Variants in MAST4 observed in about 807,000 individuals in gnomAD.
The protein encoded by MAST4 is microtubule associated serine/threonine kinase family member 4.
In MAST4, 89 loss-of-function variants were observed where a neutral mutation model predicts 162.7. The observed-to-expected ratio is 0.55, with a 90% CI of 0.46 to 0.65. The LOEUF is 0.65. MAST4 is among the 30% of genes least tolerant of loss of function. The pLI is 0.00. For synonymous variants in MAST4, 1,479 were observed against 1,361.1 expected (o/e 1.09, Z -1.91); for missense variants, 3,153 against 3,374.0 (o/e 0.93, Z 1.62).
intron 4 of MAST4, among the ~76,000 whole-genome samples, chr5:66,946,067 G>A (rs530251420): frequency 6.6e-6 from 1 of 152,040 alleles, no homozygotes; most frequent in Non-Finnish European, 1.5e-5. Flanking sequence ...AAATGTGCTT[G>A]AGAAAAGAGG....
intron 4 of MAST4, among the ~76,000 whole-genome samples, chr5:67,030,561 T>TCTC (rs1231747017): frequency 2.1e-4 from 32 of 152,304 alleles, no homozygotes; most frequent in Middle Eastern, 3.4e-3. Flanking sequence ...CTGGGGCAAA[T>TCTC]TGGTCAGAGT....
chr5:66,797,911 C>A (rs1755729583), intron 3 of MAST4, among the ~76,000 whole-genome samples: 1 of 152,106 alleles, frequency 6.6e-6, no homozygotes, highest in East Asian at 1.9e-4. Flanking sequence ...AGAGGAACCA[C>A]CTGAAAACTC....
intron 3 of MAST4, among the ~76,000 whole-genome samples, chr5:66,807,758 C>A (rs142261868): frequency 1.3e-5 from 2 of 152,294 alleles, no homozygotes; most frequent in African/African-American, 4.8e-5. Flanking sequence ...CTCGCCCTCT[C>A]CCTAAACTGG....
At chr5:66,922,476 C>T (rs981205157) in intron 4 of MAST4, among the ~76,000 whole-genome samples, 2 of 152,148 alleles carry the variant, frequency 1.3e-5, no homozygotes. Flanking sequence ...AATTTGGTCC[C>T]TAGTTATGAA....
rs957900950 is a variant in MAST4, at chr5:66,815,104, T to G, written c.642+26310T>G. Among the ~76,000 whole-genome samples, 19 of 152,376 alleles carry G rather than the reference T, an allele frequency of 1.2e-4. 1 individual carries two copies. The highest frequency in any genetic ancestry group is 1.2e-3 in the Admixed American group (19 of 15,306). ...AGGAATAGACTTCATGTTGCTAGAA[T>G]GCATTATCAGTAATTCTTATTGCAT... On this transcript the variant is annotated intron_variant, in intron 3 of 28. Transcript: ENST00000403625.
intron 3 of MAST4, among the ~76,000 whole-genome samples, chr5:66,879,668 A>G (rs1319266780): frequency 1.3e-5 from 2 of 152,090 alleles, no homozygotes; most frequent in African/African-American, 2.4e-5. Flanking sequence ...ACACATCACC[A>G]CGCCCAGATA....
At position 67,162,607 on chromosome 5, in the gene MAST4, G is replaced by A; in HGVS notation, c.3786G>A (p.Arg1262=). ...ACAATTTTTTCCTGTTTTTCTGTAG[G>A]AGGAGATCTCTTTTCAAAAAGCTAG... ...KKSKKKESLE[R]RRSLFKKLAK... is the part of the protein sequence containing the mutation. Residue 1262 remains arginine (R), a splice_region_variant and synonymous_variant, in exon 28 of 29, where the codon AGG becomes AGA. Transcript: ENST00000403625. 3 of 1,613,354 alleles carry A rather than the reference G, an allele frequency of 1.9e-6. No homozygotes were observed. Among genetic ancestry groups the A allele is most frequent in the South Asian group, 2.2e-5 (2 of 90,980 alleles).
intron 4 of MAST4, among the ~76,000 whole-genome samples, chr5:67,014,717 C>T (rs1753075613): frequency 6.6e-6 from 1 of 152,206 alleles, no homozygotes; most frequent in Admixed American, 6.5e-5. Context: ...CTGCTCTCTT[C>T]AGTCCAGTTC....
intron 3 of MAST4, chr5:66,828,915 T>C: frequency 6.6e-7 from 1 of 1,511,916 alleles, no homozygotes; most frequent in Non-Finnish European, 9.1e-7. Flanking sequence ...ACATGTAGCA[T>C]TGTCAGTGGC....
rs117876015 is a variant in MAST4 at position 66,638,794 on chromosome 5, G to A, written c.363+41776G>A. On this transcript the variant is annotated intron_variant, in intron 1 of 28. Transcript: ENST00000403625. The stretch of plus-strand genomic sequence containing the variant: ...ACACTTGTACTGTGACCTGTCTTGC[G>A]AGGTTAGGTGTAGGATTTTCTACTT... 2.5e-3 allele frequency among the ~76,000 whole-genome samples: 375 copies of A among 152,282 alleles called. 3 individuals carry two copies. The highest frequency in any genetic ancestry group is 0.018 in the East Asian group (94 of 5,180).
intron 3 of MAST4, among the ~76,000 whole-genome samples, chr5:66,877,307 T>A (rs1300602211): frequency 6.6e-6 from 1 of 152,230 alleles, no homozygotes; most frequent in East Asian, 1.9e-4. Flanking sequence ...TGACACAGTA[T>A]TCCCATGGGT....
At chr5:67,061,982 A>G (rs914451177) in intron 5 of MAST4, among the ~76,000 whole-genome samples, 13 of 152,178 alleles carry the variant, frequency 8.5e-5, no homozygotes, top group Non-Finnish European at 1.5e-4. Context: ...TATTTGTGGT[A>G]CCATCAGATT....
At chr5:67,098,742 A>C (rs539093352) in intron 7 of MAST4, among the ~76,000 whole-genome samples, 1 of 152,120 alleles carries the variant, frequency 6.6e-6, no homozygotes, top group Non-Finnish European at 1.5e-5. Flanking sequence ...TCTGAAGTCA[A>C]TAGATACTGT....
intron 5 of MAST4, among the ~76,000 whole-genome samples, chr5:67,086,704 C>G (rs1228389911): frequency 6.6e-6 from 1 of 152,166 alleles, no homozygotes; most frequent in East Asian, 1.9e-4. Flanking sequence ...AATTAACTGG[C>G]ACCAGTTTTC....
At chr5:67,049,022 C>CAT (rs1554087401) in intron 4 of MAST4, among the ~76,000 whole-genome samples, 3 of 81,922 alleles carry the variant, frequency 3.7e-5, no homozygotes, top group African/African-American at 1.1e-4. Context: ...TATATATATA[C>CAT]GTATATATAT....
At chr5:66,633,885 C>T (rs562870089) in intron 1 of MAST4, among the ~76,000 whole-genome samples, 45 of 152,074 alleles carry the variant, frequency 3.0e-4, no homozygotes, top group Non-Finnish European at 5.9e-4. Flanking sequence ...GGTGCAAGGC[C>T]GTCAGCTTGC....
At chr5:66,947,025 C>T (rs1219288398) in intron 4 of MAST4, among the ~76,000 whole-genome samples, 1 of 152,070 alleles carries the variant, frequency 6.6e-6, no homozygotes, top group Non-Finnish European at 1.5e-5. Flanking sequence ...TGAATGATTA[C>T]AGCTTGATTA....
rs762586557 is a variant in MAST4, at chr5:67,163,670, G to A, written c.4491G>A (p.Pro1497=). 5 of 1,607,992 alleles carry A rather than the reference G, an allele frequency of 3.1e-6. No homozygotes were observed. Among genetic ancestry groups the A allele is most frequent in the Middle Eastern group, 1.7e-4 (1 of 6,052 alleles). Residue 1497 remains proline (P), a synonymous_variant, in exon 29 of 29, where the codon CCG becomes CCA. Coordinates refer to ENST00000403625, the MANE Select transcript of MAST4 (RefSeq NM_001164664.2). The surrounding 1 kb of genome is among the most constrained non-coding windows in gnomAD (Gnocchi z 7.0). Reference sequence around the variant, plus strand: ...TGGATGAGAACGTGTGCGACGTGCCGCCGCTCAGCCGCGCCCGGCCAGTGG... The same window carrying A: ...TGGATGAGAACGTGTGCGACGTGCCACCGCTCAGCCGCGCCCGGCCAGTGG... ...QSLDENVCDV[P]PLSRARPVEQ...
At chr5:67,108,616 T>C (rs1167612660) in intron 10 of MAST4, among the ~76,000 whole-genome samples, 1 of 152,196 alleles carries the variant, frequency 6.6e-6, no homozygotes, top group Non-Finnish European at 1.5e-5. Flanking sequence ...CTTTCTGTTC[T>C]ACGATTATTC....
Sources: gnomAD v4.1 joint callset for allele counts (sites outside exome capture counted in the v4.1 genomes callset) on GRCh38, gnomAD v4.1.1 for gene constraint, Gnocchi (gnomAD v3.1) non-coding constraint, MANE v1.5 for transcripts, NCBI Gene and HGNC (gene_info 2026-07-23, HGNC 2026-07-21) for gene names.